The following FAXC variants were observed in gnomAD, a reference collection of about 807,000 sequenced individuals.
FAXC encodes failed axon connections homolog, metaxin like GST domain containing.
A neutral mutation model predicts 41.9 loss-of-function variants in FAXC; 10 were observed. The ratio of observed to expected loss-of-function variants is 0.24; its 90% CI spans 0.15 to 0.41. The LOEUF (loss-of-function observed/expected upper bound fraction) is 0.41, where lower values mean the gene tolerates loss of function less well. Among genes scored for constraint, FAXC ranks in the 10% least tolerant of loss-of-function variants. FAXC has a pLI of 1.00. For synonymous variants in FAXC, 183 were observed against 183.8 expected, an observed-to-expected ratio of 1.00 and a Z score of 0.03; for missense variants, 399 against 510.9, an observed-to-expected ratio of 0.78 and a Z score of 2.11.
intron 1 of FAXC, among the ~76,000 whole-genome samples, chr6:99,347,308 A>T (rs1773636003): frequency 6.6e-6 from 1 of 151,956 alleles, no homozygotes; most frequent in Non-Finnish European, 1.5e-5. Flanking sequence ...AGGCTGAGCC[A>T]GGAGAATCAT....
At chr6:99,327,645 C>T (rs536943626) in intron 3 of FAXC, among the ~76,000 whole-genome samples, 1 of 152,278 alleles carries the variant, frequency 6.6e-6, no homozygotes, top group East Asian at 1.9e-4. Context: ...TATGACTTCA[C>T]ACTCATGTCT....
In FAXC at chr6:99,303,635, T is replaced by C. The variant is rs116300007; in HGVS notation, c.824-11815A>G. Among the ~76,000 whole-genome samples, 481 of 152,372 alleles carry C rather than the reference T, an allele frequency of 3.2e-3. 5 individuals carry two copies. The highest frequency in any genetic ancestry group is 0.011 in the African/African-American group (466 of 41,596). On this transcript the variant is annotated intron_variant, in intron 4 of 5. Transcript: ENST00000389677. ...GAATGCCCAAGGTTAGAACACCTAGTGTCTAATGCAACAAGACTTCTCTTT... is the reference window on the plus strand; with the variant it reads ...GAATGCCCAAGGTTAGAACACCTAGCGTCTAATGCAACAAGACTTCTCTTT...
intron 4 of FAXC, among the ~76,000 whole-genome samples, chr6:99,313,890 C>G (rs1157808387): frequency 6.6e-6 from 1 of 152,190 alleles, no homozygotes; most frequent in African/African-American, 2.4e-5. Flanking sequence ...GGACCTCAAA[C>G]TCAGCATACC....
At position 99,338,095 on chromosome 6, in the gene FAXC, G is replaced by A. The variant is rs750065779; in HGVS notation, c.403-4548C>T. ...AATGGGAATCAAGGTACCCCTAACC[G>A]TTGCAACACAGCATCCCTTTCTAAA... On this transcript the variant is annotated intron_variant, in intron 2 of 5. Coordinates refer to ENST00000389677, the MANE Select transcript of FAXC (RefSeq NM_032511.4). 2.6e-5 allele frequency among the ~76,000 whole-genome samples: 4 copies of A among 152,134 alleles called. No individual in the cohort carries two copies. In the East Asian group the frequency reaches 5.8e-4, roughly 22 times the overall value.
At chr6:99,306,942 C>T (rs1771946295) in intron 4 of FAXC, among the ~76,000 whole-genome samples, 1 of 152,192 alleles carries the variant, frequency 6.6e-6, no homozygotes, top group Non-Finnish European at 1.5e-5. Context: ...AATGTCTCAT[C>T]AAGAGGGAGC....
intron 2 of FAXC, among the ~76,000 whole-genome samples, chr6:99,335,932 A>C (rs1773200142): frequency 2.6e-5 from 4 of 152,366 alleles, no homozygotes; most frequent in South Asian, 4.1e-4. Context: ...ATTACATCTA[A>C]GTAAACATAG....
intron 2 of FAXC, among the ~76,000 whole-genome samples, chr6:99,340,430 C>A (rs1773383329): frequency 6.6e-6 from 1 of 151,986 alleles, no homozygotes; most frequent in Non-Finnish European, 1.5e-5. Flanking sequence ...AGGAAAAGAA[C>A]TTTGAACATA....
At chr6:99,311,373 G>A (rs1000824223) in intron 4 of FAXC, among the ~76,000 whole-genome samples, 8 of 152,082 alleles carry the variant, frequency 5.3e-5, no homozygotes, top group South Asian at 2.1e-4. Flanking sequence ...TCAGGAGTTC[G>A]AGACCAGCCT....
intron 3 of FAXC, among the ~76,000 whole-genome samples, chr6:99,329,747 A>G (rs80287276): frequency 0.013 from 2,044 of 152,042 alleles, 50 homozygotes; most frequent in African/African-American, 0.046. Flanking sequence ...GGTTAAGTCA[A>G]TTTATGAAAC....
At chr6:99,336,523 TA>T (rs1212533827) in intron 2 of FAXC, among the ~76,000 whole-genome samples, 2 of 152,216 alleles carry the variant, frequency 1.3e-5, no homozygotes, top group African/African-American at 4.8e-5. Flanking sequence ...TTTGAGAAGA[TA>T]AAGAGGTAAA....
intron 2 of FAXC, among the ~76,000 whole-genome samples, chr6:99,336,740 T>G (rs1773229872): frequency 6.6e-6 from 1 of 152,140 alleles, no homozygotes. Context: ...AGTGTCCTCA[T>G]CTGTAGAGTG....
At chr6:99,316,280 G>A (rs1249774375) in intron 4 of FAXC, among the ~76,000 whole-genome samples, 1 of 151,958 alleles carries the variant, frequency 6.6e-6, no homozygotes, top group Non-Finnish European at 1.5e-5. Flanking sequence ...AGAAGCTTGA[G>A]AGCCACAGGA....
intron 4 of FAXC, among the ~76,000 whole-genome samples, chr6:99,312,175 T>C (rs1283830519): frequency 6.6e-6 from 1 of 152,244 alleles, no homozygotes; most frequent in Non-Finnish European, 1.5e-5. Flanking sequence ...AGGAGGAATC[T>C]GCCAGGCCTG....
intron 4 of FAXC, among the ~76,000 whole-genome samples, chr6:99,314,325 T>C (rs653771): frequency 0.87 from 133,157 of 152,184 alleles, 58,760 homozygotes; most frequent in East Asian, 1. Flanking sequence ...CCCAACTCTA[T>C]CACCATGCCT....
intron 1 of FAXC, among the ~76,000 whole-genome samples, chr6:99,348,374 G>A (rs2084699577): frequency 6.6e-6 from 1 of 152,178 alleles, no homozygotes; most frequent in Non-Finnish European, 1.5e-5. Context: ...TGTACCAACA[G>A]CAGGGGCCTC....
chr6:99,308,207 G>C (rs6921857), intron 4 of FAXC, among the ~76,000 whole-genome samples: 1 of 152,086 alleles, frequency 6.6e-6, no homozygotes, highest in Non-Finnish European at 1.5e-5. Context: ...TGAGGCAGGA[G>C]AATTGCTTGA....
At position 99,281,229 on chromosome 6, in the gene FAXC, C is replaced by A; in HGVS notation, c.1165G>T (p.Gly389Ter). Residue 389 changes from glycine to a stop codon, truncating the protein, a stop_gained, in exon 6 of 6, where the codon GGA becomes TGA. Transcript: ENST00000389677. LOFTEE classifies it high-confidence loss of function. ...ACATCCGAATCAAAGAGTGAGTGTCCAGTAAAATCTGTGTCTGGGGTTCTG... is the reference window on the plus strand; with the variant it reads ...ACATCCGAATCAAAGAGTGAGTGTCAAGTAAAATCTGTGTCTGGGGTTCTG... Reference protein sequence around the residue: ...FSRTPDTDFTGHSLFDSDVDM... With the variant: ...FSRTPDTDFT 1 of 1,608,542 alleles carries A rather than the reference C, an allele frequency of 6.2e-7. No individual in the cohort carries two copies. The highest frequency in any genetic ancestry group is 8.5e-7 in the Non-Finnish European group (1 of 1,174,920).
Position 99,281,097 on chromosome 6 carries a change from T to C in FAXC, c.*67A>G. The C allele has an allele frequency of 2.8e-5, 22 of 780,242 alleles. No homozygotes were observed. The South Asian group carries it at 3.1e-4, about 11-fold the overall frequency. The allele number at this position is 780,242 out of a possible 1,614,324, so 48.3% of individuals were successfully genotyped here. A position where few individuals can be genotyped will look rare whatever the true frequency, so the allele number is the denominator to read the frequency against. ...TCTCCTCCCAGCTCGGATGGATTGC[T>C]ACCTGGGAAAATGGACCGACCCAGG... On this transcript the variant is annotated 3_prime_UTR_variant, in exon 6 of 6. Coordinates refer to ENST00000389677, the MANE Select transcript of FAXC (RefSeq NM_032511.4).
chr6:99,327,867 A>C (rs1048933188), intron 3 of FAXC, among the ~76,000 whole-genome samples: 1 of 151,972 alleles, frequency 6.6e-6, no homozygotes, highest in Admixed American at 6.6e-5. Flanking sequence ...CCCTTTCTCC[A>C]ACTCTATAAA....
Sources: allele counts gnomAD v4.1 joint callset (sites outside exome capture counted in the v4.1 genomes callset), GRCh38; gene constraint gnomAD v4.1.1; transcripts MANE v1.5; gene names NCBI Gene and HGNC (gene_info 2026-07-23, HGNC 2026-07-21).